Variants in NIBAN2 observed in about 807,000 individuals in gnomAD.
NIBAN2 encodes the protein niban apoptosis regulator 2, also known as protein Niban 2.
In NIBAN2, 36 loss-of-function variants were observed where a neutral mutation model predicts 81.8. The ratio of observed to expected loss-of-function variants is 0.44; its 90% CI spans 0.34 to 0.58. The LOEUF (loss-of-function observed/expected upper bound fraction) is 0.58, where lower values mean the gene tolerates loss of function less well. Ranked by LOEUF, NIBAN2 falls within the 20% of genes least tolerant of loss-of-function variation. The probability of loss-of-function intolerance (pLI) is 0.02; values close to 1 mark genes in which losing one functional copy is unlikely to be tolerated. For missense variants in NIBAN2, 897 were observed against 1,014.1 expected, an observed-to-expected ratio of 0.88 and a Z score of 1.57; for synonymous variants, 445 against 441.6, an observed-to-expected ratio of 1.01 and a Z score of -0.10.
intron 5 of NIBAN2, 130 bp from the exon 6 acceptor site, chr9:127,518,071 T>C: frequency 3.3e-6 from 2 of 600,176 alleles, no homozygotes; most frequent in South Asian, 2.0e-5. Flanking sequence ...GCTGGGACCC[T>C]CACTTTCCTC....
chr9:127,568,579 G>A (rs1342528772), intron 1 of NIBAN2, among the ~76,000 whole-genome samples: 1 of 151,976 alleles, frequency 6.6e-6, no homozygotes, highest in Non-Finnish European at 1.5e-5. Flanking sequence ...GGGGTTCCGG[G>A]AGAGAAGGAG....
intron 1 of NIBAN2, among the ~76,000 whole-genome samples, chr9:127,548,596 A>G (rs891797809): frequency 2.0e-5 from 3 of 152,128 alleles, no homozygotes; most frequent in Non-Finnish European, 2.9e-5. Flanking sequence ...GCTGTCTTGC[A>G]TTTGTACTTC....
intron 1 of NIBAN2, among the ~76,000 whole-genome samples, chr9:127,554,931 T>TA (rs1317674091): frequency 6.6e-6 from 1 of 151,840 alleles, no homozygotes; most frequent in Non-Finnish European, 1.5e-5. Flanking sequence ...CCACTCACTG[T>TA]AAAAAAACAA....
intron 1 of NIBAN2, among the ~76,000 whole-genome samples, chr9:127,565,150 C>T (rs866117243): frequency 7.2e-5 from 11 of 152,038 alleles, no homozygotes; most frequent in Non-Finnish European, 1.0e-4. Context: ...TTACTAGAGA[C>T]GGGGCTTTGC....
upstream of NIBAN2, among the ~76,000 whole-genome samples, chr9:127,571,255 G>A (rs975621870): frequency 1.3e-5 from 2 of 151,808 alleles, no homozygotes; most frequent in East Asian, 3.9e-4. Flanking sequence ...GCCCAGGGAC[G>A]GGTTCCTCCC....
chr9:127,529,961 C>T (rs1837147544), intron 2 of NIBAN2, among the ~76,000 whole-genome samples: 1 of 152,186 alleles, frequency 6.6e-6, no homozygotes, highest in Non-Finnish European at 1.5e-5. Context: ...GCACTCCTGC[C>T]TCCCCAGACT....
At chr9:127,513,578 G>A (rs1335765137) in intron 8 of NIBAN2, among the ~76,000 whole-genome samples, 5 of 152,128 alleles carry the variant, frequency 3.3e-5, no homozygotes, top group South Asian at 2.1e-4. Flanking sequence ...GAGTGACCTC[G>A]GTCGTCCTCA....
At position 127,515,706 on chromosome 9, in the gene NIBAN2, A is replaced by G. The variant is rs183257490; in HGVS notation, c.973+1151T>C. 2.2e-3 allele frequency among the ~76,000 whole-genome samples: 333 copies of G among 151,082 alleles called. 3 individuals carry two copies. In the East Asian group the frequency reaches 0.043, roughly 20 times the overall value. ...ACAAAAATTAGCTGGGCATGGTAGCAGGTGCCTGTAATCCCAGCTACTTGA... is the reference window on the plus strand; with the variant it reads ...ACAAAAATTAGCTGGGCATGGTAGCGGGTGCCTGTAATCCCAGCTACTTGA... On this transcript the variant is annotated intron_variant, in intron 8 of 13. Coordinates refer to ENST00000373312, the MANE Select transcript of NIBAN2 (RefSeq NM_022833.4).
chr9:127,549,477 A>G (rs777634851), intron 1 of NIBAN2, among the ~76,000 whole-genome samples: 1 of 152,092 alleles, frequency 6.6e-6, no homozygotes, highest in Non-Finnish European at 1.5e-5. Context: ...ATGCCCACAC[A>G]CATGTACACT....
In NIBAN2 at chr9:127,517,980, G is replaced by T; in HGVS notation, c.590-39C>A. On this transcript the variant is annotated intron_variant, in intron 5 of 13. Coordinates refer to ENST00000373312, the MANE Select transcript of NIBAN2 (RefSeq NM_022833.4). The surrounding 1 kb of genome is among the most constrained non-coding windows in gnomAD (Gnocchi z 4.0). ...GGAGGGAGAGAGGAGGTCAGCAGAT[G>T]GCCCAGTGGCCTCTACCAAGACCAA... The T allele has an allele frequency of 7.3e-7, 1 of 1,375,552 alleles. No individual in the cohort carries two copies. The highest frequency in any genetic ancestry group is 1.3e-5 in the South Asian group (1 of 74,234). 85.2% of individuals were successfully genotyped at this position (1,375,552 alleles called of 1,614,324 possible).
Position 127,523,809 on chromosome 9 carries a change from C to T in NIBAN2, c.459G>A (p.Lys153=), listed in dbSNP as rs371835943. The change falls in exon 5 of 14, where the codon AAG becomes AAA. Residue 153 remains lysine, a synonymous_variant. Coordinates refer to ENST00000373312, the MANE Select transcript of NIBAN2 (RefSeq NM_022833.4). The part of the protein sequence containing the change: ...TAKSGSAPIL[K]CPTQFPLILW... ...GGATGAGCGGGAACTGTGTGGGGCACTTGAGGATGGGGGCACTGCCCGACT... is the reference window on the plus strand; with the variant it reads ...GGATGAGCGGGAACTGTGTGGGGCATTTGAGGATGGGGGCACTGCCCGACT... The T allele has an allele frequency of 8.9e-5, 143 of 1,613,268 alleles. No individual in the cohort carries two copies. The highest frequency in any genetic ancestry group is 1.2e-4 in the Non-Finnish European group (138 of 1,179,426).
intron 1 of NIBAN2, among the ~76,000 whole-genome samples, chr9:127,555,900 G>C (rs1368412420): frequency 2.0e-5 from 3 of 152,156 alleles, no homozygotes; most frequent in Non-Finnish European, 4.4e-5. Flanking sequence ...AGGTGAGCTT[G>C]ACTGGGCTGT....
At chr9:127,564,523 G>T (rs1837824579) in intron 1 of NIBAN2, among the ~76,000 whole-genome samples, 1 of 152,114 alleles carries the variant, frequency 6.6e-6, no homozygotes, top group Non-Finnish European at 1.5e-5. Context: ...GACACAGAAA[G>T]ATGTCCACCA....
At chr9:127,577,930 C>T (rs1042709758) in intron 1 of NIBAN2, among the ~76,000 whole-genome samples, 21 of 152,188 alleles carry the variant, frequency 1.4e-4, no homozygotes, top group African/African-American at 5.1e-4. Flanking sequence ...GTGGCTCACA[C>T]TTGTAATCTC....
chr9:127,559,030 C>T lies in NIBAN2; in HGVS notation c.55+9790G>A, dbSNP rs1453933369. On this transcript the variant is annotated intron_variant, in intron 1 of 13. Transcript: ENST00000373312. This position sits in a 1 kb window ranked among gnomAD's most constrained non-coding sequence, Gnocchi z 4.0. ...TTCAGTGACAGAAGCATACTGCCACCAGGTCAAAGCCAGACACGCTGCCTC... is the reference window on the plus strand; with the variant it reads ...TTCAGTGACAGAAGCATACTGCCACTAGGTCAAAGCCAGACACGCTGCCTC... Among the ~76,000 whole-genome samples, 1 of 152,204 alleles carries T rather than the reference C, an allele frequency of 6.6e-6. No individual in the cohort carries two copies. Among genetic ancestry groups the T allele is most frequent in the Non-Finnish European group, 1.5e-5 (1 of 68,040 alleles).
upstream of NIBAN2, among the ~76,000 whole-genome samples, chr9:127,572,061 G>A (rs189865247): frequency 6.6e-6 from 1 of 152,092 alleles, no homozygotes; most frequent in African/African-American, 2.4e-5. Context: ...TTGAGACAAG[G>A]TCTCTCTGTG....
intron 4 of NIBAN2, 179 bp downstream of exon 4, chr9:127,524,879 C>G: frequency 1.8e-6 from 1 of 566,240 alleles, no homozygotes. Context: ...TTCCAGGAGG[C>G]TCTCAAGGAC....
intron 1 of NIBAN2, among the ~76,000 whole-genome samples, chr9:127,541,354 A>C (rs1050342646): frequency 2.6e-5 from 4 of 152,178 alleles, no homozygotes; most frequent in Non-Finnish European, 4.4e-5. Flanking sequence ...CCAGCACGGC[A>C]CTGCACATGC....
chr9:127,508,902 G>A lies in NIBAN2; in HGVS notation c.1317+74C>T. The A allele has an allele frequency of 6.5e-7, 1 of 1,533,352 alleles. No homozygotes were observed. The highest frequency in any genetic ancestry group is 1.4e-5 in the African/African-American group (1 of 73,364). 95.0% of individuals were successfully genotyped at this position (1,533,352 alleles called of 1,614,324 possible). On this transcript the variant is annotated intron_variant, in intron 10 of 13. Transcript: ENST00000373312. The surrounding 1 kb of genome is among the most constrained non-coding windows in gnomAD (Gnocchi z 6.4). Reference sequence around the variant, plus strand: ...ATGGCATGACGGGACGGAGCAGAAGGGACCCCCTGGGCGAGGGGGCCTGTG... The same window carrying A: ...ATGGCATGACGGGACGGAGCAGAAGAGACCCCCTGGGCGAGGGGGCCTGTG...
Sources: allele counts gnomAD v4.1 joint callset (sites outside exome capture counted in the v4.1 genomes callset), GRCh38; gene constraint gnomAD v4.1.1; non-coding constraint Gnocchi (gnomAD v3.1); transcripts MANE v1.5; gene names NCBI Gene and HGNC (gene_info 2026-07-23, HGNC 2026-07-21).